Variants in TRHDE observed in about 807,000 individuals in gnomAD.
TRHDE encodes the protein thyrotropin-releasing hormone-degrading ectoenzyme.
In TRHDE, 72 loss-of-function variants were observed where a neutral mutation model predicts 125.7. The observed-to-expected ratio is 0.57, with a 90% CI of 0.47 to 0.70. TRHDE has a LOEUF of 0.70. Among genes scored for constraint, TRHDE ranks in the 30% least tolerant of loss-of-function variants. The pLI, the probability that TRHDE is intolerant of heterozygous loss-of-function variation, is 0.00. For synonymous variants in TRHDE, 509 were observed against 509.1 expected (o/e 1.00, Z 0.00); for missense variants, 1,110 against 1,327.1 (o/e 0.84, Z 2.54).
intron 12 of TRHDE, 90 bp from the exon 13 acceptor site, chr12:72,618,801 T>C (rs1872924624): frequency 1.9e-6 from 2 of 1,037,936 alleles, no homozygotes; most frequent in South Asian, 2.2e-5. Flanking sequence ...CTTTATACTA[T>C]GATGAATTTT....
chr12:72,190,861 C>T (rs1877324145), intron 2 of TRHDE, among the ~76,000 whole-genome samples: 1 of 152,104 alleles, frequency 6.6e-6, no homozygotes, highest in Non-Finnish European at 1.5e-5. Context: ...GCAATTTGCA[C>T]CATACTATAT....
intron 2 of TRHDE, chr12:72,255,542 A>G (rs778690348): frequency 6.6e-6 from 1 of 152,222 alleles, no homozygotes; most frequent in Non-Finnish European, 1.5e-5. Context: ...GGAACCTGGA[A>G]AGGCAGCCCG....
chr12:72,159,623 A>T (rs768835922), intron 2 of TRHDE, among the ~76,000 whole-genome samples: 1 of 152,194 alleles, frequency 6.6e-6, no homozygotes, highest in Non-Finnish European at 1.5e-5. Flanking sequence ...TGAAAATGTT[A>T]TATCTTCCAA....
Position 72,470,850 on chromosome 12 carries a change from A to G in TRHDE, c.1470+938A>G, listed in dbSNP as rs573320619. On this transcript the variant is annotated intron_variant, in intron 4 of 18. Coordinates refer to ENST00000261180, the MANE Select transcript of TRHDE (RefSeq NM_013381.3). ...GTGATCCGGGTCAGACGACCGTTCTATGTAAATGTCAGCTTTTTTTTTTTT... is the reference window on the plus strand; with the variant it reads ...GTGATCCGGGTCAGACGACCGTTCTGTGTAAATGTCAGCTTTTTTTTTTTT... Among the ~76,000 whole-genome samples, 463 of 127,736 alleles carry G rather than the reference A, an allele frequency of 3.6e-3. 1 individual carries two copies. The highest frequency in any genetic ancestry group is 0.012 in the African/African-American group (428 of 35,068). The allele number at this position is 127,736 out of a possible 152,430, so 83.8% of individuals were successfully genotyped here. A position where few individuals can be genotyped will look rare whatever the true frequency, so the allele number is the denominator to read the frequency against.
At chr12:72,659,410 C>T (rs1484919450) in intron 18 of TRHDE, among the ~76,000 whole-genome samples, 1 of 152,146 alleles carries the variant, frequency 6.6e-6, no homozygotes, top group African/African-American at 2.4e-5. Context: ...GCCCATTTTT[C>T]TGCTTTTTAA....
intron 8 of TRHDE, among the ~76,000 whole-genome samples, chr12:72,562,446 T>C (rs1870223795): frequency 6.6e-6 from 1 of 151,938 alleles, no homozygotes; most frequent in African/African-American, 2.4e-5. Flanking sequence ...TCACCTACTT[T>C]CAAACATGAC....
At chr12:72,492,497 T>C (rs998869388) in intron 5 of TRHDE, among the ~76,000 whole-genome samples, 4 of 151,932 alleles carry the variant, frequency 2.6e-5, no homozygotes, top group Admixed American at 2.0e-4. Context: ...AAGATGATAA[T>C]TGCAAAGTTA....
chr12:72,553,833 T>C lies in TRHDE; in HGVS notation c.1789-8332T>C, dbSNP rs557417086. Among the ~76,000 whole-genome samples, 319 of 150,524 alleles carry C rather than the reference T, an allele frequency of 2.1e-3. 2 individuals are homozygous for C. The highest frequency in any genetic ancestry group is 7.2e-3 in the African/African-American group (298 of 41,182). On this transcript the variant is annotated intron_variant, in intron 7 of 18. Coordinates refer to ENST00000261180, the MANE Select transcript of TRHDE (RefSeq NM_013381.3). The stretch of plus-strand genomic sequence containing the variant: ...GTCTCCTCTCCTCTCCTCTTCTCTG[T>C]TCTTTTCTTTTCCTTCTTTTTTTTT...
At chr12:72,557,959 TCACA>T (rs111497878) in intron 7 of TRHDE, among the ~76,000 whole-genome samples, 1 of 148,812 alleles carries the variant, frequency 6.7e-6, no homozygotes, top group African/African-American at 2.4e-5. Context: ...GAAAGACAAA[TCACA>T]CACACACACA....
intron 3 of TRHDE, among the ~76,000 whole-genome samples, chr12:72,466,368 C>G (rs567062559): frequency 6.6e-6 from 1 of 152,166 alleles, no homozygotes; most frequent in Non-Finnish European, 1.5e-5. Flanking sequence ...TTCTGGAGGA[C>G]TACAGCTTAT....
At chr12:72,361,245 A>C (rs185403103) in intron 2 of TRHDE, among the ~76,000 whole-genome samples, 1 of 151,962 alleles carries the variant, frequency 6.6e-6, no homozygotes, top group African/African-American at 2.4e-5. Flanking sequence ...ATGTTAAATA[A>C]AATCCCATGG....
chr12:72,159,336 G>A (rs1252403284), intron 2 of TRHDE, among the ~76,000 whole-genome samples: 2 of 152,160 alleles, frequency 1.3e-5, no homozygotes, highest in East Asian at 1.9e-4. Context: ...ACTTTGTAGA[G>A]GAAGATCAGG....
At chr12:72,661,078 T>C (rs1295123153) in intron 18 of TRHDE, among the ~76,000 whole-genome samples, 1 of 152,180 alleles carries the variant, frequency 6.6e-6, no homozygotes, top group African/African-American at 2.4e-5. Context: ...ATGAGGCACC[T>C]CAGACTCTCT....
At chr12:72,391,807 C>A (rs1643973336) in intron 3 of TRHDE, among the ~76,000 whole-genome samples, 1 of 152,090 alleles carries the variant, frequency 6.6e-6, no homozygotes, top group African/African-American at 2.4e-5. Context: ...AACCAACATT[C>A]CATGTCTGTA....
chr12:72,425,066 T>C (rs1381770403), intron 3 of TRHDE, among the ~76,000 whole-genome samples: 1 of 152,170 alleles, frequency 6.6e-6, no homozygotes, highest in African/African-American at 2.4e-5. Flanking sequence ...ATATTGGTCT[T>C]GTGTTTTACA....
At chr12:72,335,090 C>T (rs1869770602) in intron 2 of TRHDE, among the ~76,000 whole-genome samples, 1 of 152,156 alleles carries the variant, frequency 6.6e-6, no homozygotes, top group South Asian at 2.1e-4. Flanking sequence ...TGGTGTAGAA[C>T]TGGAAACTGT....
At chr12:72,523,626 C>G (rs1231029950) in intron 6 of TRHDE, among the ~76,000 whole-genome samples, 2 of 152,106 alleles carry the variant, frequency 1.3e-5, no homozygotes, top group African/African-American at 4.8e-5. Flanking sequence ...ACCTTTAACT[C>G]AGATATTGAA....
At chr12:72,418,092 A>G (rs147539221) in intron 3 of TRHDE, among the ~76,000 whole-genome samples, 1,712 of 152,166 alleles carry the variant, frequency 0.011, 13 homozygotes, top group Middle Eastern at 0.041. Flanking sequence ...CTTGCTATCA[A>G]AAATAACCAG....
At chr12:72,196,122 T>C (rs1877437435) in intron 2 of TRHDE, among the ~76,000 whole-genome samples, 1 of 152,114 alleles carries the variant, frequency 6.6e-6, no homozygotes, top group Non-Finnish European at 1.5e-5. Flanking sequence ...GTATTGGTTA[T>C]TGTAGCCATA....
Sources: gnomAD v4.1 joint callset for allele counts (sites outside exome capture counted in the v4.1 genomes callset) on GRCh38, gnomAD v4.1.1 for gene constraint, MANE v1.5 for transcripts, NCBI Gene and HGNC (gene_info 2026-07-23, HGNC 2026-07-21) for gene names.